FLRT1: variants seen among roughly 807,000 people sequenced by gnomAD.
The protein encoded by FLRT1 is leucine-rich repeat transmembrane protein FLRT1.
In FLRT1, 14 loss-of-function variants were observed where a neutral mutation model predicts 30.9. The observed-to-expected ratio is 0.45, with a 90% CI of 0.30 to 0.71. The LOEUF is 0.71. Among genes scored for constraint, FLRT1 ranks in the 30% least tolerant of loss-of-function variants. The pLI is 0.08. For missense variants in FLRT1, 737 were observed against 949.2 expected (o/e 0.78, Z 2.94); for synonymous variants, 368 against 430.4 (o/e 0.85, Z 1.80).
rs562766874 is a variant in FLRT1 at position 64,060,901 on chromosome 11, T to G, written c.-1038+24742T>G. On this transcript the variant is annotated intron_variant, in intron 1 of 2. Transcript: ENST00000682287. ...GGCGTGTCAGCCCCGCCCCCGAGGC[T>G]CTTTGCATATTCATGACCTTGGCGG... 2.6e-4 allele frequency among the ~76,000 whole-genome samples: 40 copies of G among 151,958 alleles called. No individual in the cohort carries two copies. The East Asian group carries it at 7.7e-3, about 29-fold the overall frequency.
intron 1 of FLRT1, among the ~76,000 whole-genome samples, chr11:64,100,199 A>G (rs1481435240): frequency 1.3e-5 from 2 of 152,212 alleles, no homozygotes; most frequent in African/African-American, 2.4e-5. Context: ...CTGGGAAAGG[A>G]CAAGGTGCAT....
chr11:64,106,120 G>A (rs1944758526), intron 2 of FLRT1, among the ~76,000 whole-genome samples: 1 of 152,206 alleles, frequency 6.6e-6, no homozygotes, highest in African/African-American at 2.4e-5. Flanking sequence ...TTTGGGGTCA[G>A]AGAGGTCCCG....
At chr11:64,094,446 T>C (rs1362035670) in intron 1 of FLRT1, among the ~76,000 whole-genome samples, 2 of 134,726 alleles carry the variant, frequency 1.5e-5, no homozygotes, top group Non-Finnish European at 3.4e-5. Flanking sequence ...AAAAAAAAAA[T>C]CCCAAAAAAC....
chr11:64,053,800 C>G (rs527481730), intron 1 of FLRT1, among the ~76,000 whole-genome samples: 1 of 152,154 alleles, frequency 6.6e-6, no homozygotes, highest in Non-Finnish European at 1.5e-5. Context: ...AGCGGCATCC[C>G]GAGCCCCTTG....
intron 1 of FLRT1, among the ~76,000 whole-genome samples, chr11:64,101,540 A>G (rs751538815): frequency 2.1e-4 from 32 of 152,172 alleles, no homozygotes; most frequent in Admixed American, 1.4e-3. Flanking sequence ...CCCCACCCCC[A>G]TCGGTATAAA....
chr11:64,080,683 A>G (rs1203483869), intron 1 of FLRT1, among the ~76,000 whole-genome samples: 2 of 152,120 alleles, frequency 1.3e-5, no homozygotes, highest in African/African-American at 4.8e-5. Flanking sequence ...GACCTCAACT[A>G]CTGAGGACCT....
rs1182830967 is a variant in FLRT1, at chr11:64,082,912, TC to T, written c.-1037-20279del. 6.6e-6 allele frequency: 1 copy of T among 152,616 alleles called. No individual in the cohort carries two copies. The highest frequency in any genetic ancestry group is 1.5e-5 in the Non-Finnish European group (1 of 68,304). 9.5% of individuals were successfully genotyped at this position (152,616 alleles called of 1,614,324 possible). On this transcript the variant is annotated intron_variant, in intron 1 of 2. Transcript: ENST00000682287. The surrounding 1 kb of genome is among the most constrained non-coding windows in gnomAD (Gnocchi z 4.5). ...CCCCCTGCCTCTCTGCCCTCATCTG[TC>T]CCTGCCCTGACCTCTCTCTGCCTTC...
chr11:64,058,536 C>T (rs1943835163), intron 1 of FLRT1, among the ~76,000 whole-genome samples: 1 of 152,248 alleles, frequency 6.6e-6, no homozygotes, highest in African/African-American at 2.4e-5. Flanking sequence ...AGCAGATGCC[C>T]AGGCCTGGGA....
At chr11:64,088,757 A>C (rs1944439084) in intron 1 of FLRT1, among the ~76,000 whole-genome samples, 1 of 152,118 alleles carries the variant, frequency 6.6e-6, no homozygotes, top group South Asian at 2.1e-4. Context: ...GCACGAGATG[A>C]ACGACAGCAG....
At chr11:64,049,292 C>T (rs1943645697) in intron 1 of FLRT1, among the ~76,000 whole-genome samples, 1 of 152,104 alleles carries the variant, frequency 6.6e-6, no homozygotes, top group Non-Finnish European at 1.5e-5. Flanking sequence ...AGGGACTGGC[C>T]CAGGATCCCC....
chr11:64,114,254 AGGTGGATG>A (rs1944925948), intron 2 of FLRT1, among the ~76,000 whole-genome samples: 2 of 61,050 alleles, frequency 3.3e-5, no homozygotes, highest in African/African-American at 8.3e-5. Context: ...ATGGATGGTT[AGGTGGATG>A]GATGGATGGA....
In FLRT1 at chr11:64,103,508, G is replaced by C. The variant is rs536366282; in HGVS notation, c.-723G>C. On this transcript the variant is annotated 5_prime_UTR_variant, in exon 2 of 3. Coordinates refer to ENST00000682287, the MANE Select transcript of FLRT1 (RefSeq NM_013280.5). ...GTGGCAGGAATACAGAGCCTTTGGA[G>C]AGTGGCTCCCTCTCAGCTCCGTCAT... 5.3e-5 allele frequency: 8 copies of C among 151,770 alleles called. No individual in the cohort carries two copies. The highest frequency in any genetic ancestry group is 1.9e-4 in the African/African-American group (8 of 41,236). The allele number at this position is 151,770 out of a possible 1,614,324, so 9.4% of individuals were successfully genotyped here. A position where few individuals can be genotyped will look rare whatever the true frequency, so the allele number is the denominator to read the frequency against.
chr11:64,054,020 C>G (rs1008085068), intron 1 of FLRT1, among the ~76,000 whole-genome samples: 1 of 152,176 alleles, frequency 6.6e-6, no homozygotes, highest in African/African-American at 2.4e-5. Context: ...CTTGCTCCCA[C>G]GTGGTTCAGA....
chr11:64,060,737 G>A (rs1280110662), intron 1 of FLRT1: 6 of 152,282 alleles, frequency 3.9e-5, no homozygotes, highest in South Asian at 2.1e-4. Context: ...GCTCTGTGCC[G>A]AGCCCACTGT....
At chr11:64,079,686 G>A (rs554069513) in intron 1 of FLRT1, among the ~76,000 whole-genome samples, 98 of 152,254 alleles carry the variant, frequency 6.4e-4, no homozygotes, top group Admixed American at 2.4e-3. Context: ...AGGAGGTGTG[G>A]TTGGGGAAAG....
At position 64,096,297 on chromosome 11, in the gene FLRT1, C is replaced by A. The variant is rs763943317; in HGVS notation, c.-1037-6897C>A. On this transcript the variant is annotated intron_variant, in intron 1 of 2. Transcript: ENST00000682287. The surrounding 1 kb of genome is among the most constrained non-coding windows in gnomAD (Gnocchi z 4.6). The stretch of plus-strand genomic sequence containing the variant: ...AAGAGGTTCCGGCCTTGGCTGGTGG[C>A]GCCAGGTTCATCACCCCGAGCTTCC... Among the ~76,000 whole-genome samples the A allele has an allele frequency of 6.6e-6, 1 of 152,192 alleles. No individual in the cohort carries two copies. Among genetic ancestry groups the A allele is most frequent in the African/African-American group, 2.4e-5 (1 of 41,438 alleles).
chr11:64,044,770 C>G (rs751037935), intron 1 of FLRT1, among the ~76,000 whole-genome samples: 4 of 152,122 alleles, frequency 2.6e-5, no homozygotes, highest in Non-Finnish European at 4.4e-5. Flanking sequence ...TCATGCTCCC[C>G]CCTCACCAGA....
chr11:64,080,579 G>C (rs1944285204), intron 1 of FLRT1, among the ~76,000 whole-genome samples: 1 of 152,192 alleles, frequency 6.6e-6, no homozygotes, highest in Non-Finnish European at 1.5e-5. Flanking sequence ...AAGACACCCA[G>C]TACAGTGCTC....
chr11:64,079,254 G>A (rs1008398963), intron 1 of FLRT1, among the ~76,000 whole-genome samples: 2 of 152,104 alleles, frequency 1.3e-5, no homozygotes, highest in Non-Finnish European at 2.9e-5. Context: ...GGCTTGAGGG[G>A]TCACAGGGGC....
Sources: gnomAD v4.1 joint callset for allele counts (sites outside exome capture counted in the v4.1 genomes callset) on GRCh38, gnomAD v4.1.1 for gene constraint, Gnocchi (gnomAD v3.1) non-coding constraint, MANE v1.5 for transcripts, NCBI Gene and HGNC (gene_info 2026-07-23, HGNC 2026-07-21) for gene names.